The following TMEM245 variants were observed in gnomAD, a reference collection of about 807,000 sequenced individuals.
TMEM245 encodes protein CG-2.
Under a neutral mutation model 101.2 loss-of-function variants are expected in TMEM245, and 69 were observed. The ratio of observed to expected loss-of-function variants is 0.68; its 90% confidence interval spans 0.56 to 0.83. The LOEUF is 0.83. TMEM245 is among the 40% of genes least tolerant of loss of function. TMEM245 has a pLI of 0.00. For synonymous variants in TMEM245, 537 were observed against 449.8 expected (o/e 1.19, Z -2.45); for missense variants, 1,075 against 1,092.8 (o/e 0.98, Z 0.23).
rs1827580587 is a variant in TMEM245 at position 109,020,310 on chromosome 9, C to T, written c.*150G>A. 1.3e-6 allele frequency: 1 copy of T among 789,500 alleles called. No individual in the cohort carries two copies. The highest frequency in any genetic ancestry group is 2.3e-6 in the Non-Finnish European group (1 of 436,000). 48.9% of individuals were successfully genotyped at this position (789,500 alleles called of 1,614,324 possible). A position where few individuals can be genotyped will look rare whatever the true frequency, so the allele number is the denominator to read the frequency against. ...CAGCCCGCAGCAAGTTCTCTCTTGT[C>T]CAGGCATTCTGTATGTAAGGCCAGG... On this transcript the variant is annotated 3_prime_UTR_variant, in exon 18 of 18. Coordinates refer to ENST00000374586, the MANE Select transcript of TMEM245 (RefSeq NM_032012.4).
At chr9:109,072,321 T>C (rs749941096) in intron 9 of TMEM245, among the ~76,000 whole-genome samples, 8 of 152,168 alleles carry the variant, frequency 5.3e-5, no homozygotes, top group Non-Finnish European at 8.8e-5. Flanking sequence ...CTAGCTACTC[T>C]CCAACAAGTT....
rs1827582168 is a variant in TMEM245 at position 109,020,354 on chromosome 9, T to C, written c.*106A>G. On this transcript the variant is annotated 3_prime_UTR_variant, in exon 18 of 18. Coordinates refer to ENST00000374586, the MANE Select transcript of TMEM245 (RefSeq NM_032012.4). ...GGCCAGGAGGCTTCTGCTTCTTTCC[T>C]GGGTTTTGCTTGCTAGGCACAGCTG... The C allele has an allele frequency of 1.8e-6, 2 of 1,113,398 alleles. No individual in the cohort carries two copies. Among genetic ancestry groups the C allele is most frequent in the South Asian group, 1.2e-5 (1 of 80,626 alleles). 69.0% of individuals were successfully genotyped at this position (1,113,398 alleles called of 1,614,324 possible). A position where few individuals can be genotyped will look rare whatever the true frequency, so the allele number is the denominator to read the frequency against.
At chr9:109,024,532 A>T (rs139997919) in intron 17 of TMEM245, among the ~76,000 whole-genome samples, 1 of 152,240 alleles carries the variant, frequency 6.6e-6, no homozygotes, top group South Asian at 2.1e-4. Context: ...ACACACATCT[A>T]TAAAACGCGT....
intron 7 of TMEM245, among the ~76,000 whole-genome samples, chr9:109,084,084 TA>T (rs34354000): frequency 0.14 from 19,447 of 140,850 alleles, 1,510 homozygotes; most frequent in African/African-American, 0.2. Context: ...GTCTCAAATT[TA>T]AAAAAAAAAA....
At chr9:109,076,749 G>A (rs1402453556) in intron 8 of TMEM245, among the ~76,000 whole-genome samples, 1 of 152,148 alleles carries the variant, frequency 6.6e-6, no homozygotes, top group Non-Finnish European at 1.5e-5. Flanking sequence ...GGACTGCAGT[G>A]GTGCAATCAC....
chr9:109,097,018 G>A (rs17551561), intron 3 of TMEM245, among the ~76,000 whole-genome samples: 1,675 of 152,320 alleles, frequency 0.011, 12 homozygotes, highest in South Asian at 0.031. Flanking sequence ...TGATACTTAA[G>A]AGCTAATGTA....
chr9:109,074,371 A>C (rs1829429800), intron 8 of TMEM245, among the ~76,000 whole-genome samples: 1 of 152,218 alleles, frequency 6.6e-6, no homozygotes. Context: ...AACATTCTGG[A>C]GCACAACAGA....
At chr9:109,056,147 TCAGAGGTAAATACC>T (rs956071457) in intron 12 of TMEM245, among the ~76,000 whole-genome samples, 17 of 152,132 alleles carry the variant, frequency 1.1e-4, no homozygotes, top group African/African-American at 4.1e-4. Flanking sequence ...TTTTAGAAAT[TCAGAGGTAAATACC>T]CAGGGAAAGC....
intron 8 of TMEM245, among the ~76,000 whole-genome samples, chr9:109,078,606 G>C (rs897329594): frequency 3.9e-5 from 6 of 152,148 alleles, no homozygotes; most frequent in Non-Finnish European, 8.8e-5. Flanking sequence ...AGAGAATTAA[G>C]TCACTAACTG....
intron 3 of TMEM245, among the ~76,000 whole-genome samples, chr9:109,105,336 CA>C: frequency 6.6e-6 from 1 of 152,074 alleles, no homozygotes; most frequent in Non-Finnish European, 1.5e-5. Context: ...TGGCCATTAT[CA>C]AAAAGTGGAA....
intron 10 of TMEM245, among the ~76,000 whole-genome samples, chr9:109,062,787 A>G (rs1046301601): frequency 1.3e-5 from 2 of 152,194 alleles, no homozygotes; most frequent in African/African-American, 4.8e-5. Context: ...CCTGGGCAAC[A>G]TGGTGAAACC....
At chr9:109,077,543 G>C (rs993498382) in intron 8 of TMEM245, among the ~76,000 whole-genome samples, 23 of 152,128 alleles carry the variant, frequency 1.5e-4, no homozygotes, top group Non-Finnish European at 7.3e-5. Context: ...TATAATCATA[G>C]ATTTGTTTAT....
At position 109,060,468 on chromosome 9, in the gene TMEM245, G is replaced by C. The variant is rs773332517; in HGVS notation, c.1624-16C>G. ...TTTTATGGAGCTAGAAAAAAACACAGATACGACGTGGTACAATATTTCAGG... is the reference window on the plus strand; with the variant it reads ...TTTTATGGAGCTAGAAAAAAACACACATACGACGTGGTACAATATTTCAGG... On this transcript the variant is annotated splice_polypyrimidine_tract_variant and intron_variant, in intron 10 of 17. Coordinates refer to ENST00000374586, the MANE Select transcript of TMEM245 (RefSeq NM_032012.4). 4 of 1,546,770 alleles carry C rather than the reference G, an allele frequency of 2.6e-6. No homozygotes were observed. The highest frequency in any genetic ancestry group is 3.6e-6 in the Non-Finnish European group (4 of 1,121,844).
chr9:109,104,236 T>C (rs1433098729), intron 3 of TMEM245, among the ~76,000 whole-genome samples: 1 of 152,172 alleles, frequency 6.6e-6, no homozygotes, highest in Non-Finnish European at 1.5e-5. Flanking sequence ...AGGGGATGGA[T>C]ACCCCATTTT....
intron 15 of TMEM245, 103 bp downstream of exon 15, chr9:109,037,914 T>C: frequency 1.1e-6 from 1 of 873,436 alleles, no homozygotes; most frequent in Middle Eastern, 2.4e-4. Flanking sequence ...AGCCAAAAAA[T>C]TTAGTTTTTT....
At chr9:109,033,215 C>A in intron 17 of TMEM245, 92 bp downstream of exon 17, 1 of 1,335,280 alleles carries the variant, frequency 7.5e-7, no homozygotes, top group South Asian at 1.7e-5. Flanking sequence ...ATACCTTTAT[C>A]CTGACAAGTC....
chr9:109,031,865 A>G (rs1757759616), intron 17 of TMEM245, among the ~76,000 whole-genome samples: 1 of 152,256 alleles, frequency 6.6e-6, no homozygotes, highest in African/African-American at 2.4e-5. Context: ...AGCAGATAAC[A>G]GTACTTTTTA....
At position 109,060,556 on chromosome 9, in the gene TMEM245, G is replaced by A; in HGVS notation, c.1624-104C>T. On this transcript the variant is annotated intron_variant, in intron 10 of 17. Coordinates refer to ENST00000374586, the MANE Select transcript of TMEM245 (RefSeq NM_032012.4). ...CATTTGTTCCAAAGCAAACAAAAAT[G>A]TTCCAGACTATTTATCTCTAGCCAT... 4 of 725,228 alleles carry A rather than the reference G, an allele frequency of 5.5e-6. No individual in the cohort carries two copies. The South Asian group carries it at 5.7e-5, about 10-fold the overall frequency. The allele number at this position is 725,228 out of a possible 1,614,324, so 44.9% of individuals were successfully genotyped here.
At chr9:109,051,338 AC>A (rs879487114) in intron 12 of TMEM245, among the ~76,000 whole-genome samples, 203 of 151,144 alleles carry the variant, frequency 1.3e-3, no homozygotes, top group Non-Finnish European at 2.1e-3. Context: ...ACACACACAC[AC>A]ATCATTGTAG....
Sources: gnomAD v4.1 joint callset for allele counts (sites outside exome capture counted in the v4.1 genomes callset) on GRCh38, gnomAD v4.1.1 for gene constraint, MANE v1.5 for transcripts, NCBI Gene and HGNC (gene_info 2026-07-23, HGNC 2026-07-21) for gene names.